Variants in EBF3 observed in about 807,000 individuals in gnomAD.
EBF3 encodes the protein EBF transcription factor 3.
Under a neutral mutation model 77.1 loss-of-function variants are expected in EBF3, and 18 were observed. The ratio of observed to expected loss-of-function variants is 0.23; its 90% CI spans 0.16 to 0.35. The LOEUF is 0.35. Among genes scored for constraint, EBF3 ranks in the 10% least tolerant of loss-of-function variants. The pLI is 1.00. For synonymous variants in EBF3, 350 were observed against 343.5 expected (o/e 1.02, Z -0.21); for missense variants, 558 against 860.0 (o/e 0.65, Z 4.39).
intron 6 of EBF3, among the ~76,000 whole-genome samples, chr10:129,925,591 C>CAA (rs11368338): frequency 1.2e-3 from 143 of 114,598 alleles, no homozygotes; most frequent in African/African-American, 4.3e-3. Flanking sequence ...GACTCCATCT[C>CAA]AAAAAAAAAA....
At chr10:129,954,823 A>G (rs1017270452) in intron 6 of EBF3, among the ~76,000 whole-genome samples, 1 of 152,034 alleles carries the variant, frequency 6.6e-6, no homozygotes, top group African/African-American at 2.4e-5. Flanking sequence ...CTGGAAACTG[A>G]CTCCCCAGTC....
At chr10:129,932,473 T>G (rs1039201718) in intron 6 of EBF3, among the ~76,000 whole-genome samples, 3 of 152,098 alleles carry the variant, frequency 2.0e-5, no homozygotes, top group African/African-American at 4.8e-5. Flanking sequence ...GTGAAAGGAG[T>G]GCTCTCAAAG....
At chr10:129,858,066 C>T (rs911240279) in intron 10 of EBF3, among the ~76,000 whole-genome samples, 3 of 152,182 alleles carry the variant, frequency 2.0e-5, no homozygotes, top group African/African-American at 7.2e-5. Flanking sequence ...CTGGTGAACA[C>T]GGGGCTCGGG....
intron 14 of EBF3, 34 bp from the exon 15 acceptor site, chr10:129,840,476 CCG>C: frequency 6.5e-7 from 1 of 1,540,694 alleles, no homozygotes; most frequent in Non-Finnish European, 8.8e-7. Context: ...GCACGCGCGG[CCG>C]CGGCACAGCG....
chr10:129,925,964 G>A (rs904344122), intron 6 of EBF3, among the ~76,000 whole-genome samples: 1 of 152,174 alleles, frequency 6.6e-6, no homozygotes, highest in South Asian at 2.1e-4. Flanking sequence ...CCCTAAACTG[G>A]AATTTGTGCA....
Position 129,839,185 on chromosome 10 carries a change from C to T in EBF3, c.1770G>A (p.Leu590=), listed in dbSNP as rs1309641728. ...ANGNGLQGSL[L]GAEDVAAEKT... ...TCTCCGCGGCTACGTCCTCAGCACC[C>T]AGCAGAGAGCCTGGTACATAGTAGG... The change falls in exon 16 of 17, where the codon CTG becomes CTA. Residue 590 remains leucine (L), a synonymous_variant. Coordinates refer to ENST00000440978, the MANE Select transcript of EBF3 (RefSeq NM_001375380.1). The T allele has an allele frequency of 2.9e-5, 37 of 1,282,000 alleles. No homozygotes were observed. The highest frequency in any genetic ancestry group is 3.7e-5 in the Non-Finnish European group (36 of 968,742). The allele number at this position is 1,282,000 out of a possible 1,614,324, so 79.4% of individuals were successfully genotyped here.
chr10:129,919,083 G>A (rs1222154050), intron 6 of EBF3, among the ~76,000 whole-genome samples: 1 of 152,232 alleles, frequency 6.6e-6, no homozygotes, highest in African/African-American at 2.4e-5. Context: ...TGTCCCCGAG[G>A]TGCTTGGGGA....
In EBF3 at chr10:129,863,215, G is replaced by A. The variant is rs1367557730; in HGVS notation, c.1039+3926C>T. On this transcript the variant is annotated intron_variant, in intron 10 of 16. Transcript: ENST00000440978. The surrounding 1 kb of genome is among the most constrained non-coding windows in gnomAD (Gnocchi z 4.0). Reference sequence around the variant, plus strand: ...ATTTCTGACCTTCTTACAACAGGGTGAGGCACATGGGAATACAAAGAACCA... The same window carrying A: ...ATTTCTGACCTTCTTACAACAGGGTAAGGCACATGGGAATACAAAGAACCA... Among the ~76,000 whole-genome samples the A allele has an allele frequency of 9.9e-5, 15 of 152,192 alleles. No individual in the cohort carries two copies. The highest frequency in any genetic ancestry group is 9.8e-4 in the Admixed American group (15 of 15,274).
chr10:129,962,654 C>T (rs1044760754), intron 3 of EBF3, among the ~76,000 whole-genome samples: 2 of 151,862 alleles, frequency 1.3e-5, no homozygotes, highest in African/African-American at 4.8e-5. Context: ...TTACCCCCAT[C>T]CTAATAATTA....
intron 6 of EBF3, among the ~76,000 whole-genome samples, chr10:129,914,040 A>G (rs958769506): frequency 5.3e-5 from 8 of 152,190 alleles, no homozygotes; most frequent in Admixed American, 1.3e-4. Flanking sequence ...CCCATTCACA[A>G]AACCCACTCA....
chr10:129,882,072 A>C (rs1380273925), intron 6 of EBF3, among the ~76,000 whole-genome samples: 2 of 152,268 alleles, frequency 1.3e-5, no homozygotes, highest in Non-Finnish European at 1.5e-5. Flanking sequence ...GAAAGGGGCA[A>C]GCCCCCACCG....
At position 129,902,144 on chromosome 10, in the gene EBF3, C is replaced by T. The variant is rs377407492; in HGVS notation, c.555-24295G>A. Among the ~76,000 whole-genome samples the T allele has an allele frequency of 1.3e-4, 20 of 152,078 alleles. No homozygotes were observed. The South Asian group carries it at 4.0e-3, about 30-fold the overall frequency. On this transcript the variant is annotated intron_variant, in intron 6 of 16. Transcript: ENST00000440978. ...TTAGAAGTGAGTTTACTTCATCTAGCGCCACACTTAGTTCCCCACCACAAC... is the reference window on the plus strand; with the variant it reads ...TTAGAAGTGAGTTTACTTCATCTAGTGCCACACTTAGTTCCCCACCACAAC...
chr10:129,889,286 C>T (rs1853840757), intron 6 of EBF3, among the ~76,000 whole-genome samples: 2 of 152,260 alleles, frequency 1.3e-5, no homozygotes, highest in South Asian at 4.1e-4. Context: ...AGGGACAAGG[C>T]CAGAGCTCGT....
At chr10:129,862,923 A>G (rs928045890) in intron 10 of EBF3, among the ~76,000 whole-genome samples, 1 of 152,240 alleles carries the variant, frequency 6.6e-6, no homozygotes, top group Non-Finnish European at 1.5e-5. Flanking sequence ...CAGGTAGGAC[A>G]TTCTGGGACT....
chr10:129,839,156 G>A lies in EBF3; in HGVS notation c.1799C>T (p.Thr600Ile). The stretch of plus-strand genomic sequence containing the variant: ...ACCGACTTCACAAAAGGGCCAGTTT[G>A]TCTTCTCCGCGGCTACGTCCTCAGC... ...LGAEDVAAEK[T>I]NWPFCEVGGI... is the part of the protein sequence containing the mutation. Residue 600 changes from threonine (T) to isoleucine (I), a missense_variant, in exon 16 of 17, where the codon ACA becomes ATA. Around this residue, in one of 5 missense-constraint regions of EBF3, gnomAD observed 284 missense variants for 368.3 expected, o/e 0.77. Transcript: ENST00000440978. 7.7e-7 allele frequency: 1 copy of A among 1,304,374 alleles called. No individual in the cohort carries two copies. The highest frequency in any genetic ancestry group is 1.0e-6 in the Non-Finnish European group (1 of 988,952). The allele number at this position is 1,304,374 out of a possible 1,614,324, so 80.8% of individuals were successfully genotyped here. A position where few individuals can be genotyped will look rare whatever the true frequency, so the allele number is the denominator to read the frequency against.
At chr10:129,909,296 C>T (rs1855355983) in intron 6 of EBF3, among the ~76,000 whole-genome samples, 1 of 152,192 alleles carries the variant, frequency 6.6e-6, no homozygotes, top group African/African-American at 2.4e-5. Context: ...CGGGGATCCC[C>T]AGCCTCCCAC....
In EBF3 at chr10:129,840,132, G is replaced by A. The variant is rs965423916; in HGVS notation, c.1759+113C>T. Reference sequence around the variant, plus strand: ...GCACGCATCAAGGTGGGCCACGGGAGAACATGCAGCAGTCACAGAGGTGCC... The same window carrying A: ...GCACGCATCAAGGTGGGCCACGGGAAAACATGCAGCAGTCACAGAGGTGCC... On this transcript the variant is annotated intron_variant, in intron 15 of 16. Coordinates refer to ENST00000440978, the MANE Select transcript of EBF3 (RefSeq NM_001375380.1). The A allele has an allele frequency of 3.7e-6, 5 of 1,366,906 alleles. No individual in the cohort carries two copies. The African/African-American group carries it at 5.8e-5, about 16-fold the overall frequency. 84.7% of individuals were successfully genotyped at this position (1,366,906 alleles called of 1,614,324 possible).
intron 6 of EBF3, among the ~76,000 whole-genome samples, chr10:129,902,230 A>ATTTTT (rs34324443): frequency 7.0e-6 from 1 of 142,256 alleles, no homozygotes; most frequent in South Asian, 2.3e-4. Flanking sequence ...ACTTCCAGAC[A>ATTTTT]TTTTTTTTTT....
At chr10:129,889,963 TTTTTTTTTTTTTTG>T (rs1407866824) in intron 6 of EBF3, among the ~76,000 whole-genome samples, 12 of 134,612 alleles carry the variant, frequency 8.9e-5, no homozygotes, top group Non-Finnish European at 1.6e-4. Context: ...TTTTTTTTTT[TTTTTTTTTTTTTTG>T]GTTATGAAGA....
Sources: gnomAD v4.1 joint callset for allele counts (sites outside exome capture counted in the v4.1 genomes callset) on GRCh38, gnomAD v4.1.1 for gene constraint, gnomAD v4.1.1 regional missense constraint, Gnocchi (gnomAD v3.1) non-coding constraint, MANE v1.5 for transcripts, NCBI Gene and HGNC (gene_info 2026-07-23, HGNC 2026-07-21) for gene names.